Variants in SIN3A observed in about 807,000 individuals in gnomAD.
The protein encoded by SIN3A is paired amphipathic helix protein Sin3a.
In SIN3A, 14 loss-of-function variants were observed where a neutral mutation model predicts 146.1. The observed-to-expected ratio is 0.10, with a 90% CI of 0.06 to 0.15. The LOEUF is 0.15. Among genes scored for constraint, SIN3A ranks in the 10% least tolerant of loss-of-function variants. SIN3A has a pLI of 1.00. For synonymous variants in SIN3A, 572 were observed against 572.0 expected (o/e 1.00, Z 0.00); for missense variants, 1,028 against 1,576.0 (o/e 0.65, Z 5.89).
intron 2 of SIN3A, 108 bp downstream of exon 2, chr15:75,430,079 T>C (rs1274101250): frequency 1.7e-5 from 13 of 781,964 alleles, no homozygotes; most frequent in Non-Finnish European, 2.7e-5. Flanking sequence ...ACCTTACACA[T>C]ACTCAACAAT....
intron 1 of SIN3A, among the ~76,000 whole-genome samples, chr15:75,447,010 G>A (rs981419762): frequency 4.6e-5 from 7 of 151,858 alleles, no homozygotes; most frequent in African/African-American, 9.7e-5. Context: ...CTCGTGATCC[G>A]CCTGCCTCAG....
chr15:75,381,760 A>G, intron 17 of SIN3A, 55 bp from the exon 18 acceptor site: 8 of 1,417,806 alleles, frequency 5.6e-6, no homozygotes, highest in Non-Finnish European at 6.0e-6. Context: ...GCTGTAATCT[A>G]TCTTCTCAAG....
At chr15:75,375,572 TA>T in intron 20 of SIN3A, 92 bp downstream of exon 20, 1 of 996,368 alleles carries the variant, frequency 1.0e-6, no homozygotes, top group Non-Finnish European at 1.6e-6. Flanking sequence ...CAGGTTTGCA[TA>T]AACAAAGAAA....
intron 2 of SIN3A, chr15:75,429,923 GATA>G (rs2073986835): frequency 3.3e-6 from 1 of 300,642 alleles, no homozygotes; most frequent in Non-Finnish European, 6.1e-6. Flanking sequence ...TCAAGGGAAT[GATA>G]AATACAAAGT....
At chr15:75,376,879 A>C (rs942071273) in intron 19 of SIN3A, among the ~76,000 whole-genome samples, 1 of 133,524 alleles carries the variant, frequency 7.5e-6, no homozygotes, top group African/African-American at 3.0e-5. Flanking sequence ...AAAAAAAAAA[A>C]AAAACCAACC....
chr15:75,389,579 C>T (rs1219949265), intron 16 of SIN3A, 73 bp downstream of exon 16: 9 of 1,503,070 alleles, frequency 6.0e-6, no homozygotes, highest in Non-Finnish European at 8.2e-6. Flanking sequence ...GTTGCCTTTC[C>T]TTTTCCTTGC....
At chr15:75,445,356 G>A (rs2074286192) in intron 1 of SIN3A, among the ~76,000 whole-genome samples, 1 of 134,126 alleles carries the variant, frequency 7.5e-6, no homozygotes, top group Non-Finnish European at 1.5e-5. Flanking sequence ...ACTCCAGCCT[G>A]GGCGACAGAG....
At chr15:75,393,799 ATTAAGT>A (rs1257044557) in intron 14 of SIN3A, among the ~76,000 whole-genome samples, 3 of 151,560 alleles carry the variant, frequency 2.0e-5, no homozygotes, top group East Asian at 1.9e-4. Context: ...AATATGGAGG[ATTAAGT>A]TTATTTATTT....
chr15:75,407,920 A>G lies in SIN3A; in HGVS notation c.1318-776T>C, dbSNP rs1029417893. Among the ~76,000 whole-genome samples, 22 of 147,898 alleles carry G rather than the reference A, an allele frequency of 1.5e-4. 1 individual carries two copies. The highest frequency in any genetic ancestry group is 5.4e-4 in the African/African-American group (22 of 40,438). On this transcript the variant is annotated intron_variant, in intron 8 of 20. Transcript: ENST00000394947. ...AAAAAAAAAAAAAAAAAAAAAAAAA[A>G]AGGCACGCCAGCAATATCCACTCAG... is the stretch of plus-strand genomic sequence containing the variant.
At chr15:75,443,291 G>A (rs1246261499) in intron 1 of SIN3A, among the ~76,000 whole-genome samples, 2 of 152,102 alleles carry the variant, frequency 1.3e-5, no homozygotes, top group African/African-American at 2.4e-5. Flanking sequence ...TTTTAAATAT[G>A]TCCAATGAAA....
At chr15:75,396,221 G>A (rs1347250043) in intron 13 of SIN3A, 37 bp downstream of exon 13, 4 of 1,417,732 alleles carry the variant, frequency 2.8e-6, no homozygotes, top group South Asian at 1.2e-5. Context: ...CGGTAGTGAA[G>A]TACACTAAAG....
Position 75,372,342 on chromosome 15 carries a change from T to C in SIN3A, c.3592-133A>G. The C allele has an allele frequency of 7.8e-6, 4 of 511,840 alleles. No individual in the cohort carries two copies. In the South Asian group the frequency reaches 1.1e-4, roughly 14 times the overall value. The allele number at this position is 511,840 out of a possible 1,614,324, so 31.7% of individuals were successfully genotyped here. A position where few individuals can be genotyped will look rare whatever the true frequency, so the allele number is the denominator to read the frequency against. On this transcript the variant is annotated intron_variant, in intron 20 of 20. Transcript: ENST00000394947. ...TCAAGTCTTAGATACCACTGTTTTT[T>C]TCTTAAAAGAAAAAAAAAAGGATTC...
intron 1 of SIN3A, among the ~76,000 whole-genome samples, chr15:75,450,867 G>C (rs1041539936): frequency 1.3e-5 from 2 of 152,190 alleles, no homozygotes; most frequent in African/African-American, 4.8e-5. Flanking sequence ...GGAAACCCGG[G>C]GCCTGGGCGG....
chr15:75,439,818 G>C (rs1391770647), intron 1 of SIN3A, among the ~76,000 whole-genome samples: 1 of 151,820 alleles, frequency 6.6e-6, no homozygotes, highest in Non-Finnish European at 1.5e-5. Context: ...CAAAATTTTA[G>C]AGCTTTTCTG....
At chr15:75,454,426 A>C (rs1454492667), upstream of SIN3A, among the ~76,000 whole-genome samples, 1 of 151,438 alleles carries the variant, frequency 6.6e-6, no homozygotes, top group Admixed American at 6.6e-5. Flanking sequence ...GAGTGCAGGC[A>C]AGGGCCGCCC....
chr15:75,438,110 T>C (rs2074137327), intron 1 of SIN3A, among the ~76,000 whole-genome samples: 1 of 152,168 alleles, frequency 6.6e-6, no homozygotes, highest in Non-Finnish European at 1.5e-5. Flanking sequence ...CCTGTAATCC[T>C]AGCACTGTGG....
intron 3 of SIN3A, among the ~76,000 whole-genome samples, chr15:75,417,445 G>C (rs538530807): frequency 9.3e-5 from 14 of 150,668 alleles, no homozygotes; most frequent in Non-Finnish European, 1.8e-4. Flanking sequence ...GCGCAATCTC[G>C]GGTCACTGCA....
intron 5 of SIN3A, 130 bp from the exon 6 acceptor site, chr15:75,411,873 T>G (rs2073646769): frequency 2.2e-6 from 2 of 922,948 alleles, no homozygotes; most frequent in Non-Finnish European, 3.2e-6. Context: ...GTCATTTTAG[T>G]CCAACACAAA....
chr15:75,387,858 T>C (rs960919426), intron 16 of SIN3A, among the ~76,000 whole-genome samples: 5 of 152,218 alleles, frequency 3.3e-5, no homozygotes, highest in Admixed American at 2.6e-4. Context: ...AGTATGACTA[T>C]GGGTGACTAT....
Sources: allele counts gnomAD v4.1 joint callset (sites outside exome capture counted in the v4.1 genomes callset), GRCh38; gene constraint gnomAD v4.1.1; transcripts MANE v1.5; gene names NCBI Gene and HGNC (gene_info 2026-07-23, HGNC 2026-07-21).